Variants in SETD5 observed in about 807,000 individuals in gnomAD.
SETD5 encodes SET domain containing 5, also known as histone-lysine N-methyltransferase SETD5.
A neutral mutation model predicts 153.3 loss-of-function variants in SETD5; 44 were observed. That is an observed-to-expected ratio of 0.29 (90% CI 0.23 to 0.37). SETD5 has a LOEUF of 0.37. SETD5 is among the 10% of genes least tolerant of loss of function. The pLI is 1.00. For synonymous variants in SETD5, 716 were observed against 645.2 expected (o/e 1.11, Z -1.66); for missense variants, 1,544 against 1,768.0 (o/e 0.87, Z 2.27).
intron 10 of SETD5, among the ~76,000 whole-genome samples, chr3:9,442,718 C>A (rs956418043): frequency 1.6e-4 from 24 of 152,106 alleles, no homozygotes; most frequent in African/African-American, 5.6e-4. Context: ...AATTTTAATT[C>A]TCTGGTGGAG....
intron 1 of SETD5, among the ~76,000 whole-genome samples, chr3:9,401,701 A>G (rs2034808085): frequency 6.6e-6 from 1 of 152,248 alleles, no homozygotes; most frequent in Non-Finnish European, 1.5e-5. Flanking sequence ...ACATTTTATC[A>G]GAGGGGAACT....
At chr3:9,438,865 T>C (rs983710299) in intron 7 of SETD5, among the ~76,000 whole-genome samples, 2 of 152,194 alleles carry the variant, frequency 1.3e-5, no homozygotes, top group Non-Finnish European at 2.9e-5. Context: ...GTTGAGATTA[T>C]CAAAAATGTC....
At chr3:9,444,539 T>C (rs2041699872) in intron 11 of SETD5, among the ~76,000 whole-genome samples, 1 of 150,952 alleles carries the variant, frequency 6.6e-6, no homozygotes, top group Non-Finnish European at 1.5e-5. Flanking sequence ...AGGGCTTTCT[T>C]TTTTTTTTCC....
chr3:9,462,719 T>G (rs1019818677), intron 17 of SETD5, among the ~76,000 whole-genome samples: 2 of 152,000 alleles, frequency 1.3e-5, no homozygotes, highest in African/African-American at 4.8e-5. Flanking sequence ...GCCAACATGG[T>G]GAAACCCTGT....
At chr3:9,469,154 C>G (rs2045001023) in intron 18 of SETD5, among the ~76,000 whole-genome samples, 1 of 152,130 alleles carries the variant, frequency 6.6e-6, no homozygotes, top group Admixed American at 6.6e-5. Context: ...ACAAGGAAAC[C>G]AAGTGAGTCC....
chr3:9,443,922 C>T (rs1488916223), intron 11 of SETD5, among the ~76,000 whole-genome samples: 2 of 152,102 alleles, frequency 1.3e-5, no homozygotes, highest in African/African-American at 2.4e-5. Context: ...ATTAGCTGGG[C>T]GTGGCGGCAC....
intron 1 of SETD5, among the ~76,000 whole-genome samples, chr3:9,417,775 G>C (rs944595550): frequency 1.9e-4 from 29 of 150,726 alleles, no homozygotes; most frequent in Non-Finnish European, 3.5e-4. Context: ...GGGATCCACT[G>C]CGCCTGGCCA....
chr3:9,424,496 G>A lies in SETD5; in HGVS notation c.-147G>A, dbSNP rs1032791398. ...TCAGAACTACTAGCAGATAATTTGG[G>A]GGGACTTCATATTCAGAAGTCTATA... On this transcript the variant is annotated 5_prime_UTR_variant, in exon 2 of 23. Transcript: ENST00000402198. 2.0e-5 allele frequency: 3 copies of A among 152,056 alleles called. No individual in the cohort carries two copies. Among genetic ancestry groups the A allele is most frequent in the Non-Finnish European group, 2.9e-5 (2 of 68,010 alleles). The allele number at this position is 152,056 out of a possible 1,614,324, so 9.4% of individuals were successfully genotyped here. A position where few individuals can be genotyped will look rare whatever the true frequency, so the allele number is the denominator to read the frequency against.
At chr3:9,473,935 A>T (rs1435845549) in intron 20 of SETD5, among the ~76,000 whole-genome samples, 2 of 152,226 alleles carry the variant, frequency 1.3e-5, no homozygotes, top group East Asian at 1.9e-4. Flanking sequence ...GAGCAAAAAG[A>T]CATTCTGAAA....
Position 9,434,881 on chromosome 3 carries a change from A to C in SETD5, c.387A>C (p.Ser129=), listed in dbSNP as rs1463958424. ...RLHRRKQDNI[S]GGDSSATESW... The stretch of plus-strand genomic sequence containing the variant: ...ATCGGCGGAAGCAGGACAACATATC[A>C]GGTGAGCGGAAGATGGGTTAGGTCC... The change falls in exon 6 of 23, where the codon TCA becomes TCC. Residue 129 remains serine (S), a splice_region_variant and synonymous_variant. Transcript: ENST00000402198. This position sits in a 1 kb window ranked among gnomAD's most constrained non-coding sequence, Gnocchi z 5.6. The C allele has an allele frequency of 6.2e-7, 1 of 1,613,006 alleles. No homozygotes were observed. The highest frequency in any genetic ancestry group is 1.7e-5 in the Admixed American group (1 of 59,902).
At position 9,442,137 on chromosome 3, in the gene SETD5, C is replaced by T. The variant is rs570367798; in HGVS notation, c.969C>T (p.Pro323=). ...TTAATTGTATCCCTAGACCATACCC[C>T]TTTGTGCTCTTCTACTCAAAATTCA... The part of the protein sequence containing the change: ...VNGHFFKKPY[P]FVLFYSKFNG... The change falls in exon 10 of 23, where the codon CCC becomes CCT. Residue 323 remains proline (P), a synonymous_variant. Transcript: ENST00000402198. 3.1e-6 allele frequency: 5 copies of T among 1,609,774 alleles called. No homozygotes were observed. In the African/African-American group the frequency reaches 4.0e-5, roughly 13 times the overall value.
rs560015569 is a variant in SETD5 at position 9,455,605 on chromosome 3, A to G, written c.2476+1737A>G. On this transcript the variant is annotated intron_variant, in intron 17 of 22. Transcript: ENST00000402198. ...ATATTTAGTCAAATATGAATAGTAT[A>G]AAGAAATCTTGGTACCAGATTTCCA... Among the ~76,000 whole-genome samples the G allele has an allele frequency of 2.4e-4, 36 of 152,320 alleles. 1 individual carries two copies. The highest frequency in any genetic ancestry group is 6.5e-4 in the Admixed American group (10 of 15,302).
chr3:9,431,719 A>C (rs567622702), intron 3 of SETD5: 2 of 985,718 alleles, frequency 2.0e-6, no homozygotes, highest in African/African-American at 1.7e-5. Flanking sequence ...CTTGCACATG[A>C]AGTGCATATG....
Position 9,434,732 on chromosome 3 carries a change from G to A in SETD5, c.330-92G>A. ...AAACATTTGGTAGGTGGGAGGGAGG[G>A]GGTAGCATATGCAGAGACACTTCGC... On this transcript the variant is annotated intron_variant, in intron 5 of 22. Transcript: ENST00000402198. The surrounding 1 kb of genome is among the most constrained non-coding windows in gnomAD (Gnocchi z 5.6). The A allele has an allele frequency of 6.7e-7, 1 of 1,482,866 alleles. No individual in the cohort carries two copies. The allele number at this position is 1,482,866 out of a possible 1,614,324, so 91.9% of individuals were successfully genotyped here.
chr3:9,411,836 A>G (rs1398782769), intron 1 of SETD5, among the ~76,000 whole-genome samples: 2 of 152,212 alleles, frequency 1.3e-5, no homozygotes, highest in African/African-American at 2.4e-5. Flanking sequence ...TTCATTGGTT[A>G]TATGAAAAGA....
At chr3:9,462,997 A>ATTTTTTGT (rs1157540893) in intron 17 of SETD5, among the ~76,000 whole-genome samples, 3 of 151,622 alleles carry the variant, frequency 2.0e-5, no homozygotes, top group Non-Finnish European at 4.4e-5. Context: ...GCTAATACTA[A>ATTTTTTGT]TGTGTTCACT....
At chr3:9,454,622 CAAAAAAAA>C (rs67028533) in intron 17 of SETD5, among the ~76,000 whole-genome samples, 8 of 58,036 alleles carry the variant, frequency 1.4e-4, no homozygotes, top group Non-Finnish European at 2.2e-4. Flanking sequence ...AACTCCGTCT[CAAAAAAAA>C]AAAAAAAAAA....
intron 1 of SETD5, among the ~76,000 whole-genome samples, chr3:9,400,835 C>G (rs1019174727): frequency 6.6e-6 from 1 of 152,302 alleles, no homozygotes; most frequent in South Asian, 2.1e-4. Flanking sequence ...TCCCCTCCCC[C>G]ACAACTCCTG....
rs141195258 is a variant in SETD5, at chr3:9,469,646, T to C, written c.2725-813T>C. ...AGATAACGTAATTTGAAGACTGATATGGTATGGTATCTGGTTTTCTGGTAC... is the reference window on the plus strand; with the variant it reads ...AGATAACGTAATTTGAAGACTGATACGGTATGGTATCTGGTTTTCTGGTAC... On this transcript the variant is annotated intron_variant, in intron 18 of 22. Coordinates refer to ENST00000402198, the MANE Select transcript of SETD5 (RefSeq NM_001080517.3). Among the ~76,000 whole-genome samples, 88 of 152,352 alleles carry C rather than the reference T, an allele frequency of 5.8e-4. 1 individual carries two copies. Among genetic ancestry groups the C allele is most frequent in the Middle Eastern group, 3.4e-3 (1 of 294 alleles).
Sources: gnomAD v4.1 joint callset for allele counts (sites outside exome capture counted in the v4.1 genomes callset) on GRCh38, gnomAD v4.1.1 for gene constraint, Gnocchi (gnomAD v3.1) non-coding constraint, MANE v1.5 for transcripts, NCBI Gene and HGNC (gene_info 2026-07-23, HGNC 2026-07-21) for gene names.